DGKB: variants seen among roughly 807,000 people sequenced by gnomAD.
DGKB encodes the protein diacylglycerol kinase beta, also known as 90 kDa diacylglycerol kinase.
Under a neutral mutation model 114.3 loss-of-function variants are expected in DGKB, and 67 were observed. The ratio of observed to expected loss-of-function variants is 0.59; its 90% CI spans 0.48 to 0.72. The LOEUF (loss-of-function observed/expected upper bound fraction) is 0.72. DGKB is among the 30% of genes least tolerant of loss of function. DGKB has a pLI of 0.00. For synonymous variants in DGKB, 398 were observed against 323.1 expected (o/e 1.23, Z -2.49); for missense variants, 907 against 975.2 (o/e 0.93, Z 0.93).
At chr7:14,401,038 G>C (rs2128725834) in intron 21 of DGKB, among the ~76,000 whole-genome samples, 1 of 151,886 alleles carries the variant, frequency 6.6e-6, no homozygotes, top group African/African-American at 2.4e-5. Flanking sequence ...TATAGTAGCA[G>C]CAGCCAACAC....
intron 2 of DGKB, among the ~76,000 whole-genome samples, chr7:14,782,014 A>C (rs1161475030): frequency 6.6e-6 from 1 of 152,148 alleles, no homozygotes; most frequent in African/African-American, 2.4e-5. Context: ...TTTAAAAAAA[A>C]TAATTGATGG....
intron 17 of DGKB, among the ~76,000 whole-genome samples, chr7:14,585,938 G>A (rs767931643): frequency 3.3e-5 from 5 of 152,010 alleles, no homozygotes; most frequent in East Asian, 1.9e-4. Flanking sequence ...ACCCACCAGC[G>A]GTTCTCCTGT....
chr7:14,595,608 G>A (rs4537213), intron 17 of DGKB, among the ~76,000 whole-genome samples: 79,591 of 149,276 alleles, frequency 0.53, 21,574 homozygotes, highest in African/African-American at 0.63. Context: ...ATATAAATAT[G>A]TATAAATAAA....
rs74523983 is a variant in DGKB at position 14,834,644 on chromosome 7, G to A, written c.70+6550C>T. Reference sequence around the variant, plus strand: ...TAGACAATGTGAGATGAAACCACTTGCTGACTCAGATTGGAAATGTAATAT... The same window carrying A: ...TAGACAATGTGAGATGAAACCACTTACTGACTCAGATTGGAAATGTAATAT... On this transcript the variant is annotated intron_variant, in intron 2 of 25. Transcript: ENST00000402815. Among the ~76,000 whole-genome samples, 61 of 152,174 alleles carry A rather than the reference G, an allele frequency of 4.0e-4. No homozygotes were observed. In the East Asian group the frequency reaches 0.011, roughly 28 times the overall value.
At chr7:14,766,574 G>C (rs527878668) in intron 2 of DGKB, among the ~76,000 whole-genome samples, 1 of 152,038 alleles carries the variant, frequency 6.6e-6, no homozygotes, top group Non-Finnish European at 1.5e-5. Context: ...AAATATATTA[G>C]ATATCCAAGT....
intron 17 of DGKB, among the ~76,000 whole-genome samples, chr7:14,605,452 T>A (rs370867583): frequency 2.6e-5 from 4 of 151,168 alleles, no homozygotes; most frequent in Non-Finnish European, 4.4e-5. Context: ...CATTTATATG[T>A]GTGTATTAGA....
chr7:14,512,540 C>G (rs1788140931), intron 20 of DGKB, among the ~76,000 whole-genome samples: 1 of 152,084 alleles, frequency 6.6e-6, no homozygotes, highest in Non-Finnish European at 1.5e-5. Context: ...CCTGACAACT[C>G]AGTCTTTTAT....
chr7:14,963,950 A>G (rs1353884258), intron 1 of DGKB, among the ~76,000 whole-genome samples: 2 of 152,120 alleles, frequency 1.3e-5, no homozygotes, highest in African/African-American at 4.8e-5. Context: ...AAAATTATCC[A>G]TACATATATA....
Position 14,306,348 on chromosome 7 carries a change from G to C in DGKB, c.2122+32167C>G, listed in dbSNP as rs118032570. Among the ~76,000 whole-genome samples, 98 of 152,234 alleles carry C rather than the reference G, an allele frequency of 6.4e-4. 2 individuals are homozygous for C. The highest frequency in any genetic ancestry group is 6.4e-3 in the East Asian group (33 of 5,180). ...AAAACATTAGGGGAAAAGCAGGTAA[G>C]TTAGGAGAGGGATACATGATTCTAC... On this transcript the variant is annotated intron_variant, in intron 23 of 25. Transcript: ENST00000402815.
chr7:14,494,252 AAGTATT>A (rs1400411454), intron 20 of DGKB, among the ~76,000 whole-genome samples: 4 of 152,018 alleles, frequency 2.6e-5, no homozygotes, highest in African/African-American at 9.7e-5. Flanking sequence ...CTTAGTAGTC[AAGTATT>A]AGTATTAGTT....
chr7:14,300,885 T>C (rs1803429009), intron 23 of DGKB, among the ~76,000 whole-genome samples: 1 of 152,118 alleles, frequency 6.6e-6, no homozygotes, highest in African/African-American at 2.4e-5. Flanking sequence ...TCACTCAGCA[T>C]AGAAATTCAT....
intron 5 of DGKB, among the ~76,000 whole-genome samples, chr7:14,720,347 G>A (rs1828934213): frequency 6.6e-6 from 1 of 151,642 alleles, no homozygotes; most frequent in African/African-American, 2.4e-5. Flanking sequence ...CTGTAACCCA[G>A]GGGCTGGAGT....
At chr7:14,159,261 T>C (rs1783498071) in intron 25 of DGKB, among the ~76,000 whole-genome samples, 1 of 152,134 alleles carries the variant, frequency 6.6e-6, no homozygotes, top group East Asian at 1.9e-4. Context: ...ACTGTACTGT[T>C]TTCTCTGCAT....
At chr7:14,957,628 T>C (rs1786586773) in intron 1 of DGKB, among the ~76,000 whole-genome samples, 1 of 152,100 alleles carries the variant, frequency 6.6e-6, no homozygotes, top group Admixed American at 6.6e-5. Context: ...TTATATACTG[T>C]ATCTTGCTTT....
chr7:14,704,499 C>T (rs1049637841), intron 6 of DGKB, among the ~76,000 whole-genome samples: 12 of 151,336 alleles, frequency 7.9e-5, no homozygotes, highest in African/African-American at 2.9e-4. Context: ...GCCAAGATGG[C>T]CGAATAGGAA....
intron 25 of DGKB, among the ~76,000 whole-genome samples, chr7:14,155,235 T>C (rs544967428): frequency 1.3e-5 from 2 of 152,038 alleles, no homozygotes; most frequent in African/African-American, 4.8e-5. Context: ...AAAACAAATA[T>C]CCTAACTTAC....
At chr7:14,746,385 T>C (rs1833289416) in intron 4 of DGKB, among the ~76,000 whole-genome samples, 2 of 152,182 alleles carry the variant, frequency 1.3e-5, no homozygotes, top group Non-Finnish European at 2.9e-5. Flanking sequence ...TAAAAATTGA[T>C]GTAAAGCACT....
intron 10 of DGKB, among the ~76,000 whole-genome samples, chr7:14,684,243 A>T (rs1430415435): frequency 6.6e-6 from 1 of 152,182 alleles, no homozygotes; most frequent in Non-Finnish European, 1.5e-5. Flanking sequence ...TCTCAAACAT[A>T]TTACCAAAGA....
intron 20 of DGKB, among the ~76,000 whole-genome samples, chr7:14,552,249 TATAA>T (rs1795205467): frequency 6.6e-6 from 1 of 152,170 alleles, no homozygotes; most frequent in Non-Finnish European, 1.5e-5. Context: ...TTGTATCCAC[TATAA>T]TGTCTATGTC....
Sources: gnomAD v4.1 joint callset for allele counts (sites outside exome capture counted in the v4.1 genomes callset) on GRCh38, gnomAD v4.1.1 for gene constraint, MANE v1.5 for transcripts, NCBI Gene and HGNC (gene_info 2026-07-23, HGNC 2026-07-21) for gene names.